Variants in MAGI1 observed in about 807,000 individuals in gnomAD.
The protein encoded by MAGI1 is membrane-associated guanylate kinase, WW and PDZ domain-containing protein 1.
In MAGI1, 58 loss-of-function variants were observed where a neutral mutation model predicts 139.9. The ratio of observed to expected loss-of-function variants is 0.41; its 90% CI spans 0.34 to 0.52. The LOEUF (loss-of-function observed/expected upper bound fraction) is 0.52. Among genes scored for constraint, MAGI1 ranks in the 20% least tolerant of loss-of-function variants. The pLI, the probability that MAGI1 is intolerant of heterozygous loss-of-function variation, is 0.12. For synonymous variants in MAGI1, 812 were observed against 737.9 expected (o/e 1.10, Z -1.63); for missense variants, 1,874 against 1,901.6 (o/e 0.99, Z 0.27).
At chr3:65,514,930 C>T (rs1349910330) in intron 2 of MAGI1, among the ~76,000 whole-genome samples, 1 of 149,586 alleles carries the variant, frequency 6.7e-6, no homozygotes, top group East Asian at 2.0e-4. Context: ...CAATGATAGA[C>T]TGGATTAAGA....
chr3:65,404,593 T>C (rs904399233), intron 12 of MAGI1, among the ~76,000 whole-genome samples: 1 of 152,202 alleles, frequency 6.6e-6, no homozygotes, highest in Non-Finnish European at 1.5e-5. Flanking sequence ...CAAAGATTTG[T>C]TTTAGGCCCA....
intron 1 of MAGI1, among the ~76,000 whole-genome samples, chr3:65,867,007 T>C (rs1429167379): frequency 2.0e-5 from 3 of 152,196 alleles, no homozygotes; most frequent in East Asian, 1.9e-4. Context: ...GCTGAAGACC[T>C]AGATGTCTGG....
intron 1 of MAGI1, among the ~76,000 whole-genome samples, chr3:65,816,303 G>C (rs1374377484): frequency 2.0e-5 from 3 of 152,088 alleles, no homozygotes; most frequent in Non-Finnish European, 4.4e-5. Flanking sequence ...CACTTTCAGT[G>C]ATGAAAAATT....
chr3:65,602,072 C>G (rs2082509243), intron 2 of MAGI1, among the ~76,000 whole-genome samples: 1 of 152,026 alleles, frequency 6.6e-6, no homozygotes, highest in Non-Finnish European at 1.5e-5. Flanking sequence ...ATCAAAAGGA[C>G]AAGTAAGTAA....
intron 2 of MAGI1, among the ~76,000 whole-genome samples, chr3:65,591,786 C>A (rs535339795): frequency 6.6e-6 from 1 of 152,356 alleles, no homozygotes; most frequent in African/African-American, 2.4e-5. Context: ...ACTTCTGCCA[C>A]AGGGCCTTTG....
chr3:65,692,819 G>A (rs895780989), intron 1 of MAGI1, among the ~76,000 whole-genome samples: 7 of 152,112 alleles, frequency 4.6e-5, no homozygotes, highest in African/African-American at 1.2e-4. Flanking sequence ...GTTATGTCCC[G>A]AGCCACCTTG....
At chr3:65,514,402 C>G (rs1257820018) in intron 2 of MAGI1, among the ~76,000 whole-genome samples, 2 of 110,060 alleles carry the variant, frequency 1.8e-5, no homozygotes, top group Non-Finnish European at 3.7e-5. Context: ...TTTTTGCAAC[C>G]TACTCATCTG....
At chr3:65,784,805 A>C (rs1384032180) in intron 1 of MAGI1, among the ~76,000 whole-genome samples, 1 of 152,236 alleles carries the variant, frequency 6.6e-6, no homozygotes, top group East Asian at 1.9e-4. Flanking sequence ...GCACTGATGC[A>C]TGCTACAACA....
In MAGI1 at chr3:66,018,113, T is replaced by TGGGGG. The variant is rs200952234; in HGVS notation, c.313+19878_313+19882dup. On this transcript the variant is annotated intron_variant, in intron 1 of 22. Transcript: ENST00000402939. ...ACAAAGATAAGGAAGGACACTTTGG[T>TGGGGG]GGGGGGGGGGGGTGTCTGCACATGC... is the stretch of plus-strand genomic sequence containing the variant. Among the ~76,000 whole-genome samples, 103 of 57,588 alleles carry TGGGGG rather than the reference T, an allele frequency of 1.8e-3. 1 individual carries two copies. In the East Asian group the frequency reaches 0.019, roughly 10 times the overall value. 37.8% of individuals were successfully genotyped at this position (57,588 alleles called of 152,430 possible). A position where few individuals can be genotyped will look rare whatever the true frequency, so the allele number is the denominator to read the frequency against.
intron 1 of MAGI1, among the ~76,000 whole-genome samples, chr3:65,999,652 T>G (rs1211551241): frequency 6.6e-6 from 1 of 152,192 alleles, no homozygotes; most frequent in Non-Finnish European, 1.5e-5. Flanking sequence ...GTATTAATGT[T>G]GGTTTATTCC....
At chr3:65,896,104 C>A (rs772071888) in intron 1 of MAGI1, among the ~76,000 whole-genome samples, 7 of 152,076 alleles carry the variant, frequency 4.6e-5, no homozygotes, top group Non-Finnish European at 8.8e-5. Context: ...CCCAGCCAGA[C>A]CAAAATCTCC....
chr3:65,982,686 C>T (rs1202595548), intron 1 of MAGI1, among the ~76,000 whole-genome samples: 1 of 152,026 alleles, frequency 6.6e-6, no homozygotes, highest in African/African-American at 2.4e-5. Context: ...GGTAATAGGG[C>T]TCATGTGTAA....
intron 12 of MAGI1, among the ~76,000 whole-genome samples, chr3:65,405,855 C>T (rs12631038): frequency 1.3e-5 from 1 of 74,798 alleles, no homozygotes; most frequent in Admixed American, 1.5e-4. Context: ...AGCCTCCCAA[C>T]GTGCTGGGAT....
intron 2 of MAGI1, among the ~76,000 whole-genome samples, chr3:65,496,317 C>T (rs934656594): frequency 1.3e-5 from 2 of 151,812 alleles, no homozygotes; most frequent in African/African-American, 4.8e-5. Context: ...ACTTGGATTA[C>T]AGGCATAAGC....
intron 2 of MAGI1, among the ~76,000 whole-genome samples, chr3:65,494,684 C>T (rs1301551726): frequency 6.6e-6 from 1 of 152,186 alleles, no homozygotes; most frequent in African/African-American, 2.4e-5. Flanking sequence ...AGGATCTCTT[C>T]GTTGAAATGT....
intron 10 of MAGI1, among the ~76,000 whole-genome samples, chr3:65,431,823 T>TA (rs542312627): frequency 0.026 from 3,740 of 144,338 alleles, 124 homozygotes; most frequent in African/African-American, 0.085. Flanking sequence ...CTGTCTCTAC[T>TA]AAAAAAAAAA....
At chr3:65,677,815 T>C (rs531116314) in intron 1 of MAGI1, among the ~76,000 whole-genome samples, 140 of 152,320 alleles carry the variant, frequency 9.2e-4, no homozygotes, top group Middle Eastern at 3.4e-3. Flanking sequence ...GTGCTGCACA[T>C]GAAGACAAAA....
chr3:65,582,952 T>C (rs568813329), intron 2 of MAGI1, among the ~76,000 whole-genome samples: 94 of 152,328 alleles, frequency 6.2e-4, no homozygotes, highest in African/African-American at 2.2e-3. Flanking sequence ...ACCACATATA[T>C]GATTTTAAGT....
rs149155368 is a variant in MAGI1 at position 65,811,264 on chromosome 3, T to C, written c.314-189176A>G. Reference sequence around the variant, plus strand: ...TCTTATCACCCAGCCTCTACTGACATGAACAAACAATGAAAGACTATATTC... The same window carrying C: ...TCTTATCACCCAGCCTCTACTGACACGAACAAACAATGAAAGACTATATTC... On this transcript the variant is annotated intron_variant, in intron 1 of 22. Transcript: ENST00000402939. Among the ~76,000 whole-genome samples the C allele has an allele frequency of 2.9e-3, 437 of 152,328 alleles. 1 individual carries two copies. Among genetic ancestry groups the C allele is most frequent in the African/African-American group, 9.8e-3 (407 of 41,574 alleles).
Sources: allele counts gnomAD v4.1 joint callset (sites outside exome capture counted in the v4.1 genomes callset), GRCh38; gene constraint gnomAD v4.1.1; transcripts MANE v1.5; gene names NCBI Gene and HGNC (gene_info 2026-07-23, HGNC 2026-07-21).